The following ENTREP1 variants were observed in gnomAD, a reference collection of about 807,000 sequenced individuals.
ENTREP1 encodes Friedreich ataxia region gene X123.
the ENTREP1 span, chr9:69,383,485 C>G: frequency 2.0e-6 from 3 of 1,504,284 alleles, no homozygotes; most frequent in Non-Finnish European, 2.7e-6. Flanking sequence ...TTCTATTATT[C>G]TCCCTCTCCT....
chr9:69,373,028 TTA>T, the ENTREP1 span, among the ~76,000 whole-genome samples: 54,337 of 117,652 alleles, frequency 0.46, 10,059 homozygotes, highest in South Asian at 0.52. Context: ...TAAAATTGAG[TTA>T]TTTTTTTTTT....
the ENTREP1 span, chr9:69,391,764 C>G: frequency 6.2e-7 from 1 of 1,612,678 alleles, no homozygotes. Context: ...GCTGAGCGGC[C>G]ACACAGCCTC....
the ENTREP1 span, chr9:69,381,787 T>C: frequency 6.6e-6 from 1 of 152,264 alleles, no homozygotes; most frequent in Non-Finnish European, 1.5e-5. Flanking sequence ...CTATGTCAAC[T>C]CTAGCAGCAT....
the ENTREP1 span, among the ~76,000 whole-genome samples, chr9:69,340,679 A>ATGTGTGTGTGTGCG: frequency 5.1e-5 from 2 of 39,474 alleles, no homozygotes; most frequent in Non-Finnish European, 1.0e-4. Flanking sequence ...GTGTGTGTGC[A>ATGTGTGTGTGTGCG]TGCATGTGTG....
At chr9:69,360,830 A>G in the ENTREP1 span, among the ~76,000 whole-genome samples, 1 of 152,010 alleles carries the variant, frequency 6.6e-6, no homozygotes, top group East Asian at 1.9e-4. Flanking sequence ...TTGGTGGAGC[A>G]TCCTGTAGTA....
At chr9:69,377,753 C>T in the ENTREP1 span, 3 of 1,604,704 alleles carry the variant, frequency 1.9e-6, no homozygotes, top group Non-Finnish European at 1.7e-6. Context: ...AGGTATCGTT[C>T]CTGAGTTCCC....
At chr9:69,355,040 G>A in the ENTREP1 span, among the ~76,000 whole-genome samples, 3 of 151,646 alleles carry the variant, frequency 2.0e-5, no homozygotes, top group Admixed American at 1.3e-4. Flanking sequence ...ATGCAGCCTC[G>A]CTTTAAAAAA....
the ENTREP1 span, among the ~76,000 whole-genome samples, chr9:69,338,396 TA>T: frequency 2.6e-5 from 4 of 152,226 alleles, no homozygotes; most frequent in Non-Finnish European, 5.9e-5. Flanking sequence ...TAAATTGAAT[TA>T]AAAGAAGAAA....
chr9:69,330,701 TGA>T, the ENTREP1 span, among the ~76,000 whole-genome samples: 1 of 152,240 alleles, frequency 6.6e-6, no homozygotes, highest in Non-Finnish European at 1.5e-5. Flanking sequence ...ATTTTGGGGA[TGA>T]GTTTTATTGA....
the ENTREP1 span, among the ~76,000 whole-genome samples, chr9:69,351,700 G>A: frequency 6.6e-6 from 1 of 152,164 alleles, no homozygotes; most frequent in East Asian, 1.9e-4. Context: ...ACAAACATGA[G>A]CCACCGCACC....
At chr9:69,388,531 C>A in the ENTREP1 span, 3 of 1,095,232 alleles carry the variant, frequency 2.7e-6, no homozygotes, top group Non-Finnish European at 3.8e-6. Flanking sequence ...CTTTCTTGTC[C>A]AAGGCAGAGT....
the ENTREP1 span, among the ~76,000 whole-genome samples, chr9:69,367,091 ATTTTTTTT>A: frequency 2.1e-4 from 22 of 105,734 alleles, no homozygotes; most frequent in African/African-American, 7.4e-4. Context: ...TAATTAAACA[ATTTTTTTT>A]TTTTTTTTTT....
the ENTREP1 span, chr9:69,329,710 A>G: frequency 3.0e-6 from 3 of 983,762 alleles, no homozygotes; most frequent in Non-Finnish European, 3.6e-6. Flanking sequence ...GTGAGTGGCT[A>G]AGGGAGGATC....
At chr9:69,388,203 G>C in the ENTREP1 span, 1 of 1,614,052 alleles carries the variant, frequency 6.2e-7, no homozygotes, top group Admixed American at 1.7e-5. Flanking sequence ...ACTGAAAGGA[G>C]ACTGGATCTG....
chr9:69,369,594 C>CT, the ENTREP1 span, among the ~76,000 whole-genome samples: 389 of 145,180 alleles, frequency 2.7e-3, 1 homozygote, highest in South Asian at 7.4e-3. Context: ...AGATGATGAG[C>CT]TTTTTTTTTT....
the ENTREP1 span, among the ~76,000 whole-genome samples, chr9:69,363,664 C>T: frequency 6.6e-6 from 1 of 152,180 alleles, no homozygotes; most frequent in Non-Finnish European, 1.5e-5. Flanking sequence ...CACAGCCAGC[C>T]TGAGGCTGCA....
At chr9:69,356,196 A>T in the ENTREP1 span, among the ~76,000 whole-genome samples, 3 of 152,296 alleles carry the variant, frequency 2.0e-5, no homozygotes, top group South Asian at 2.1e-4. Context: ...GACTGTGCCT[A>T]TTCTAGGTAT....
the ENTREP1 span, among the ~76,000 whole-genome samples, chr9:69,328,180 A>T: frequency 6.6e-6 from 1 of 152,138 alleles, no homozygotes; most frequent in African/African-American, 2.4e-5. Flanking sequence ...TCTTCTGATA[A>T]ACTTCAGAAG....
chr9:69,388,182 C>T, the ENTREP1 span: 1 of 1,614,186 alleles, frequency 6.2e-7, no homozygotes, highest in Non-Finnish European at 8.5e-7. Context: ...AGCTGTGAAG[C>T]TGCAACACAG....
Sources: gnomAD v4.1 joint callset for allele counts (sites outside exome capture counted in the v4.1 genomes callset) on GRCh38, gnomAD v4.1.1 for gene constraint, MANE v1.5 for transcripts, NCBI Gene and HGNC (gene_info 2026-07-23, HGNC 2026-07-21) for gene names.